TBC1D19: variants seen among roughly 807,000 people sequenced by gnomAD.
TBC1D19 encodes TBC1 domain family, member 19.
A neutral mutation model predicts 89.0 loss-of-function variants in TBC1D19; 60 were observed. That is an observed-to-expected ratio of 0.67 (90% CI 0.55 to 0.84). The LOEUF (loss-of-function observed/expected upper bound fraction) is 0.84. TBC1D19 is among the 40% of genes least tolerant of loss of function. The pLI is 0.00. For synonymous variants in TBC1D19, 189 were observed against 199.7 expected (o/e 0.95, Z 0.45); for missense variants, 500 against 610.8 (o/e 0.82, Z 1.91).
intron 1 of TBC1D19, among the ~76,000 whole-genome samples, chr4:26,577,144 C>T (rs969567262): frequency 1.3e-5 from 2 of 152,104 alleles, no homozygotes; most frequent in Non-Finnish European, 2.9e-5. Context: ...CTGGTCTGTC[C>T]TATGGATTTC....
At chr4:26,700,945 C>G (rs758010271) in intron 13 of TBC1D19, among the ~76,000 whole-genome samples, 12 of 152,064 alleles carry the variant, frequency 7.9e-5, no homozygotes, top group Non-Finnish European at 1.6e-4. Flanking sequence ...ACCAAAAGAC[C>G]CACATTTTTC....
rs1714063250 is a variant in TBC1D19, at chr4:26,689,109, A to AT, written c.954+703dup. Among the ~76,000 whole-genome samples, 4 of 152,186 alleles carry AT rather than the reference A, an allele frequency of 2.6e-5. No homozygotes were observed. In the South Asian group the frequency reaches 8.3e-4, roughly 32 times the overall value. ...TTGTTTGAAAATGGTATTGTGGTGT[A>AT]TATGTGTTTAAGAGAGAATATAAAC... On this transcript the variant is annotated intron_variant, in intron 13 of 20. Coordinates refer to ENST00000264866, the MANE Select transcript of TBC1D19 (RefSeq NM_018317.4).
the TBC1D19 span, among the ~76,000 whole-genome samples, chr4:26,786,701 A>G: frequency 7.9e-6 from 1 of 126,134 alleles, no homozygotes; most frequent in Non-Finnish European, 1.6e-5. Context: ...AGTTGAAAGG[A>G]TGGTAGCATG....
intron 12 of TBC1D19, among the ~76,000 whole-genome samples, chr4:26,687,684 G>C (rs1015320724): frequency 6.6e-6 from 1 of 152,000 alleles, no homozygotes; most frequent in East Asian, 1.9e-4. Context: ...CACTGTGGTG[G>C]TACTACGTAT....
the TBC1D19 span, among the ~76,000 whole-genome samples, chr4:26,790,110 C>T: frequency 3.9e-5 from 6 of 152,258 alleles, no homozygotes; most frequent in East Asian, 1.2e-3. Context: ...GATGGCTACA[C>T]TAAACACCCA....
chr4:26,590,823 T>C (rs1317826144), intron 1 of TBC1D19, among the ~76,000 whole-genome samples: 1 of 137,692 alleles, frequency 7.3e-6, no homozygotes, highest in Admixed American at 7.6e-5. Flanking sequence ...TTTTTTTTTT[T>C]TTTTGTGAGT....
chr4:26,649,869 A>G (rs1393758680), intron 7 of TBC1D19, among the ~76,000 whole-genome samples: 3 of 151,614 alleles, frequency 2.0e-5, no homozygotes, highest in Non-Finnish European at 4.4e-5. Context: ...CCTCTCCCCC[A>G]ACCCCACAAC....
At chr4:26,798,705 A>G in the TBC1D19 span, among the ~76,000 whole-genome samples, 9 of 152,184 alleles carry the variant, frequency 5.9e-5, no homozygotes, top group African/African-American at 2.2e-4. Context: ...GCCATAAAAA[A>G]TGAAATCATG....
intron 4 of TBC1D19, among the ~76,000 whole-genome samples, chr4:26,631,522 C>T (rs1364307382): frequency 6.6e-6 from 1 of 152,014 alleles, no homozygotes; most frequent in African/African-American, 2.4e-5. Flanking sequence ...ACCTCATTTT[C>T]CCCTGTTCTA....
At chr4:26,582,063 C>T (rs146621893), upstream of TBC1D19, among the ~76,000 whole-genome samples, 721 of 151,612 alleles carry the variant, frequency 4.8e-3, 5 homozygotes, top group Middle Eastern at 6.8e-3. Context: ...TCTTCTTTAA[C>T]AAAATTATTT....
intron 17 of TBC1D19, 103 bp downstream of exon 17, chr4:26,740,076 T>A: frequency 3.2e-6 from 2 of 625,952 alleles, no homozygotes; most frequent in Non-Finnish European, 5.0e-6. Context: ...GCAACAAATT[T>A]TAATTTGTGA....
At chr4:26,589,099 ACC>A (rs1263223655) in intron 1 of TBC1D19, among the ~76,000 whole-genome samples, 1 of 152,074 alleles carries the variant, frequency 6.6e-6, no homozygotes, top group Non-Finnish European at 1.5e-5. Context: ...ACATGGTGAA[ACC>A]CTGTCTCTAC....
intron 3 of TBC1D19, among the ~76,000 whole-genome samples, chr4:26,618,540 T>C (rs1460132932): frequency 2.0e-5 from 3 of 152,226 alleles, no homozygotes; most frequent in Admixed American, 6.5e-5. Context: ...AACAGGATTG[T>C]GCCTCTTAAG....
chr4:26,584,343 GT>G (rs767355622), intron 1 of TBC1D19, 51 bp downstream of exon 1: 1 of 1,534,760 alleles, frequency 6.5e-7, no homozygotes, highest in Non-Finnish European at 8.9e-7. Context: ...CCGCGGCGAT[GT>G]CTCTTCTTCA....
chr4:26,731,246 T>C (rs1337499883), intron 15 of TBC1D19, among the ~76,000 whole-genome samples: 1 of 152,090 alleles, frequency 6.6e-6, no homozygotes, highest in African/African-American at 2.4e-5. Context: ...TTTAAAATTA[T>C]GAAGGAGTAG....
the TBC1D19 span, among the ~76,000 whole-genome samples, chr4:26,774,969 G>A: frequency 6.6e-6 from 1 of 152,154 alleles, no homozygotes; most frequent in Non-Finnish European, 1.5e-5. Context: ...TTCCAAGTTT[G>A]CTGAGAGTTT....
At chr4:26,695,213 C>G (rs4692551) in intron 13 of TBC1D19, among the ~76,000 whole-genome samples, 69,466 of 152,028 alleles carry the variant, frequency 0.46, 17,640 homozygotes, top group Admixed American at 0.6. Context: ...GACAAATGCA[C>G]AAGCTTCAGT....
intron 18 of TBC1D19, 95 bp from the exon 19 acceptor site, chr4:26,748,316 A>G (rs1341276594): frequency 1.2e-6 from 1 of 816,190 alleles, no homozygotes; most frequent in Non-Finnish European, 2.0e-6. Context: ...GATTTCTAAG[A>G]CTCTTGAATA....
chr4:26,797,931 C>T, the TBC1D19 span, among the ~76,000 whole-genome samples: 8 of 152,118 alleles, frequency 5.3e-5, no homozygotes, highest in Non-Finnish European at 7.4e-5. Context: ...AGACCTGAAA[C>T]TATAAAAATC....
Sources: allele counts gnomAD v4.1 joint callset (sites outside exome capture counted in the v4.1 genomes callset), GRCh38; gene constraint gnomAD v4.1.1; transcripts MANE v1.5; gene names NCBI Gene and HGNC (gene_info 2026-07-23, HGNC 2026-07-21).